The following CREB3L2 variants were observed in gnomAD, a reference collection of about 807,000 sequenced individuals.
The protein encoded by CREB3L2 is cyclic AMP-responsive element-binding protein 3-like protein 2.
In CREB3L2, 23 loss-of-function variants were observed where a neutral mutation model predicts 57.2. That is an observed-to-expected ratio of 0.40 (90% CI 0.29 to 0.57). CREB3L2 has a LOEUF of 0.57. CREB3L2 is among the 20% of genes least tolerant of loss of function. The pLI is 0.42. For synonymous variants in CREB3L2, 268 were observed against 265.1 expected (o/e 1.01, Z -0.11); for missense variants, 628 against 634.7 (o/e 0.99, Z 0.11).
At chr7:137,981,159 G>A (rs568962283) in intron 1 of CREB3L2, among the ~76,000 whole-genome samples, 2 of 152,256 alleles carry the variant, frequency 1.3e-5, no homozygotes, top group South Asian at 4.2e-4. Flanking sequence ...AGGAGGGGAA[G>A]GCCTGCGTGA....
intron 8 of CREB3L2, among the ~76,000 whole-genome samples, chr7:137,897,294 G>A (rs530134654): frequency 6.6e-6 from 1 of 152,296 alleles, no homozygotes; most frequent in East Asian, 1.9e-4. Flanking sequence ...TTTAACAGGT[G>A]GCTAAGCTAG....
chr7:137,951,833 T>C lies in CREB3L2; in HGVS notation c.103-23467A>G, dbSNP rs1176996445. On this transcript the variant is annotated intron_variant, in intron 1 of 11. Transcript: ENST00000330387. The stretch of plus-strand genomic sequence containing the variant: ...GAGACTCTGTCTCTACCAAAAAAAA[T>C]GTTTTAATTAGCTGGGCGTGGTGGT... 2.6e-5 allele frequency among the ~76,000 whole-genome samples: 4 copies of C among 152,028 alleles called. No individual in the cohort carries two copies. In the East Asian group the frequency reaches 7.8e-4, roughly 29 times the overall value.
At chr7:137,885,290 T>G in intron 9 of CREB3L2, 113 bp downstream of exon 9, 1 of 1,184,218 alleles carries the variant, frequency 8.4e-7, no homozygotes, top group Non-Finnish European at 1.2e-6. Flanking sequence ...AGAGTGGAGT[T>G]CCTCCATGTG....
At position 137,926,976 on chromosome 7, in the gene CREB3L2, C is replaced by T. The variant is rs140494250; in HGVS notation, c.319+1174G>A. 4.1e-3 allele frequency among the ~76,000 whole-genome samples: 616 copies of T among 152,028 alleles called. 4 individuals are homozygous for T. The highest frequency in any genetic ancestry group is 0.014 in the African/African-American group (571 of 41,480). On this transcript the variant is annotated intron_variant, in intron 2 of 11. Transcript: ENST00000330387. ...CCAGCCTGGGCAACATAGTGAGACC[C>T]CCATTTCTACAAAAAAATAAAAATA... is the stretch of plus-strand genomic sequence containing the variant.
chr7:137,995,156 G>C (rs576164756), intron 1 of CREB3L2, among the ~76,000 whole-genome samples: 5 of 152,146 alleles, frequency 3.3e-5, no homozygotes, highest in African/African-American at 4.8e-5. Flanking sequence ...ACACAAGAAA[G>C]AGACAACTTC....
At chr7:137,964,426 G>T (rs540241979) in intron 1 of CREB3L2, among the ~76,000 whole-genome samples, 2 of 152,204 alleles carry the variant, frequency 1.3e-5, no homozygotes, top group Non-Finnish European at 2.9e-5. Context: ...TCAATCATGT[G>T]TTTCGACAGG....
chr7:137,957,713 T>C (rs1208911509), intron 1 of CREB3L2: 1 of 1,244,956 alleles, frequency 8.0e-7, no homozygotes, highest in Non-Finnish European at 1.1e-6. Flanking sequence ...CCACTCAATT[T>C]ACAGGCTTCA....
rs573337185 is a variant in CREB3L2, at chr7:137,920,554, C to T, written c.320-4542G>A. Among the ~76,000 whole-genome samples, 175 of 152,140 alleles carry T rather than the reference C, an allele frequency of 1.2e-3. 2 individuals carry two copies. Among genetic ancestry groups the T allele is most frequent in the African/African-American group, 4.0e-3 (165 of 41,512 alleles). On this transcript the variant is annotated intron_variant, in intron 2 of 11. Coordinates refer to ENST00000330387, the MANE Select transcript of CREB3L2 (RefSeq NM_194071.4). ...TGAGTTTGGGGGTGGTTTGTTATGC[C>T]GCAACAGAGCTAGCTGATACAATAT...
intron 1 of CREB3L2, among the ~76,000 whole-genome samples, chr7:137,953,748 G>A (rs1457192700): frequency 2.0e-5 from 3 of 152,176 alleles, no homozygotes; most frequent in Non-Finnish European, 4.4e-5. Flanking sequence ...TTTCATGATG[G>A]TTTCTAGGCA....
chr7:137,955,261 A>G (rs1462923696), intron 1 of CREB3L2: 1 of 1,288,742 alleles, frequency 7.8e-7, no homozygotes, highest in East Asian at 5.6e-5. Flanking sequence ...TAGAAAAAGC[A>G]CGTGTTCACA....
chr7:137,877,439 T>G lies in CREB3L2; in HGVS notation c.*3037A>C, dbSNP rs1799182240. On this transcript the variant is annotated 3_prime_UTR_variant, in exon 12 of 12. Coordinates refer to ENST00000330387, the MANE Select transcript of CREB3L2 (RefSeq NM_194071.4). The stretch of plus-strand genomic sequence containing the variant: ...AGTCCTCACACTTCACAGAAATTCT[T>G]TCTTAAAACTGGCACTGCAGCCTTT... The G allele has an allele frequency of 4.4e-6, 1 of 226,710 alleles. No individual in the cohort carries two copies. Among genetic ancestry groups the G allele is most frequent in the Non-Finnish European group, 8.8e-6 (1 of 114,052 alleles). The allele number at this position is 226,710 out of a possible 1,614,324, so 14.0% of individuals were successfully genotyped here. A position where few individuals can be genotyped will look rare whatever the true frequency, so the allele number is the denominator to read the frequency against.
At position 137,882,590 on chromosome 7, in the gene CREB3L2, G is replaced by A. The variant is rs868685052; in HGVS notation, c.1309C>T (p.Pro437Ser). The A allele has an allele frequency of 6.2e-7, 1 of 1,611,422 alleles. No homozygotes were observed. The highest frequency in any genetic ancestry group is 1.3e-5 in the African/African-American group (1 of 74,998). Residue 437 changes from proline to serine, a missense_variant, in exon 11 of 12, where the codon CCC (proline) becomes TCC (serine). Physicochemically the swap from Pro to Ser is moderately conservative, Grantham distance 74. Transcript: ENST00000330387. ...RNLLIYEEHSPPEESSSPGSA... is the reference protein window; with the variant it reads ...RNLLIYEEHSSPEESSSPGSA... ...CCCGGGCTGGATGACTCCTCTGGGGGAGAATGTTCCTCGTAGATCAGCAGG... is the reference window on the plus strand; with the variant it reads ...CCCGGGCTGGATGACTCCTCTGGGGAAGAATGTTCCTCGTAGATCAGCAGG...
At chr7:137,938,263 G>T (rs1388386013) in intron 1 of CREB3L2, among the ~76,000 whole-genome samples, 1 of 152,146 alleles carries the variant, frequency 6.6e-6, no homozygotes, top group Non-Finnish European at 1.5e-5. Context: ...GAATGTGTGG[G>T]GCAGAGGACA....
chr7:138,001,939 C>T lies in CREB3L2; in HGVS notation c.-234G>A, dbSNP rs1802087281. On this transcript the variant is annotated 5_prime_UTR_variant, in exon 1 of 12. Transcript: ENST00000330387. This position sits in a 1 kb window ranked among gnomAD's most constrained non-coding sequence, Gnocchi z 4.2. ...GAATCCCCAGGGACACGAGCCGGAC[C>T]AAAGGCTGCCGGGGCTAAAGCGGGA... 1 of 444,136 alleles carries T rather than the reference C, an allele frequency of 2.3e-6. No homozygotes were observed. Among genetic ancestry groups the T allele is most frequent in the Non-Finnish European group, 4.0e-6 (1 of 248,666 alleles). The allele number at this position is 444,136 out of a possible 1,614,324, so 27.5% of individuals were successfully genotyped here. A position where few individuals can be genotyped will look rare whatever the true frequency, so the allele number is the denominator to read the frequency against.
chr7:137,912,014 G>C (rs1292416611), intron 4 of CREB3L2, among the ~76,000 whole-genome samples: 2 of 152,014 alleles, frequency 1.3e-5, no homozygotes, highest in Non-Finnish European at 2.9e-5. Flanking sequence ...CCTAACTATG[G>C]GCTTCATAGG....
At chr7:137,929,515 A>T (rs1005985703) in intron 1 of CREB3L2, among the ~76,000 whole-genome samples, 1 of 152,070 alleles carries the variant, frequency 6.6e-6, no homozygotes, top group Non-Finnish European at 1.5e-5. Flanking sequence ...TAGGTGAAAA[A>T]GTCACCCCTG....
rs184416085 is a variant in CREB3L2 at position 137,971,718 on chromosome 7, T to G, written c.102+29886A>C. 9.2e-5 allele frequency among the ~76,000 whole-genome samples: 14 copies of G among 152,238 alleles called. No individual in the cohort carries two copies. The East Asian group carries it at 2.7e-3, about 29-fold the overall frequency. On this transcript the variant is annotated intron_variant, in intron 1 of 11. Transcript: ENST00000330387. Reference sequence around the variant, plus strand: ...CCAGGGTCTGTTTTCTAATGTATATTCTTGCTCTTTCCATTTTTCTAAAAC... The same window carrying G: ...CCAGGGTCTGTTTTCTAATGTATATGCTTGCTCTTTCCATTTTTCTAAAAC...
chr7:137,964,234 T>C (rs1235323632), intron 1 of CREB3L2, among the ~76,000 whole-genome samples: 1 of 152,186 alleles, frequency 6.6e-6, no homozygotes, highest in African/African-American at 2.4e-5. Context: ...GAGAATCACT[T>C]GAACCCAGGA....
chr7:137,932,862 C>T (rs1184021898), intron 1 of CREB3L2, among the ~76,000 whole-genome samples: 3 of 152,188 alleles, frequency 2.0e-5, no homozygotes, highest in Non-Finnish European at 1.5e-5. Context: ...CAGAGTTTAC[C>T]ACTTAGGTCA....
Sources: allele counts gnomAD v4.1 joint callset (sites outside exome capture counted in the v4.1 genomes callset), GRCh38; gene constraint gnomAD v4.1.1; non-coding constraint Gnocchi (gnomAD v3.1); transcripts MANE v1.5; gene names NCBI Gene and HGNC (gene_info 2026-07-23, HGNC 2026-07-21).